The following DNAH3 variants were observed in gnomAD, a reference collection of about 807,000 sequenced individuals.
DNAH3 encodes axonemal beta dynein heavy chain 3.
In DNAH3, 332 loss-of-function variants were observed where a neutral mutation model predicts 432.5. The observed-to-expected ratio is 0.77, with a 90% CI of 0.70 to 0.84. The LOEUF (loss-of-function observed/expected upper bound fraction) is 0.84, where lower values mean the gene tolerates loss of function less well. DNAH3 is among the 40% of genes least tolerant of loss of function. DNAH3 has a pLI of 0.00. For missense variants in DNAH3, 4,861 were observed against 5,114.0 expected, an observed-to-expected ratio of 0.95 and a Z score of 1.51; for synonymous variants, 1,956 against 1,900.2, an observed-to-expected ratio of 1.03 and a Z score of -0.76.
chr16:21,129,792 A>AG (rs1567842961), intron 7 of DNAH3, among the ~76,000 whole-genome samples: 1 of 144,990 alleles, frequency 6.9e-6, no homozygotes, highest in Admixed American at 7.0e-5. Context: ...ATTAGTGGAC[A>AG]GGGGTAGCGG....
At chr16:20,975,492 C>A in intron 50 of DNAH3, 77 bp from the exon 51 acceptor site, 1 of 1,409,444 alleles carries the variant, frequency 7.1e-7, no homozygotes. Flanking sequence ...AAATGATTCT[C>A]CAACCTATGA....
At chr16:21,075,550 A>G (rs776443082) in exon 21 of DNAH3, 16 of 1,613,216 alleles carry the variant, frequency 9.9e-6, no homozygotes, top group Middle Eastern at 1.6e-4. Context: ...AGCTGCACCA[A>G]TGGGCTCCAA....
At chr16:21,020,348 G>GTGTGTGTATATATATATATCTA in intron 40 of DNAH3, among the ~76,000 whole-genome samples, 1 of 69,178 alleles carries the variant, frequency 1.4e-5, no homozygotes, top group African/African-American at 6.4e-5. Context: ...TATAGTGTGT[G>GTGTGTGTATATATATATATCTA]TATATATATA....
chr16:20,990,522 TTG>T (rs2086502487), intron 44 of DNAH3, among the ~76,000 whole-genome samples: 1 of 152,184 alleles, frequency 6.6e-6, no homozygotes, highest in Admixed American at 6.5e-5. Flanking sequence ...AAAAGAAACC[TTG>T]TACCCATTAG....
intron 41 of DNAH3, among the ~76,000 whole-genome samples, chr16:21,016,732 A>G (rs575263561): frequency 4.6e-5 from 7 of 152,356 alleles, no homozygotes; most frequent in African/African-American, 1.7e-4. Flanking sequence ...TTTATTCGCA[A>G]TAGCCAAAAG....
chr16:21,100,823 G>A (rs114130369), intron 16 of DNAH3, among the ~76,000 whole-genome samples: 2,183 of 152,242 alleles, frequency 0.014, 50 homozygotes, highest in African/African-American at 0.049. Flanking sequence ...TCTTTTTGAA[G>A]CTCCAAATAC....
chr16:20,958,916 C>A (rs1470325660), intron 54 of DNAH3, among the ~76,000 whole-genome samples: 2 of 152,002 alleles, frequency 1.3e-5, no homozygotes, highest in Non-Finnish European at 2.9e-5. Context: ...TACAGGTGTG[C>A]GCCACTATGC....
rs775917198 is a variant in DNAH3 at position 21,019,606 on chromosome 16, A to G, written c.6022+18T>C. On this transcript the variant is annotated intron_variant, in intron 41 of 61. Transcript: ENST00000261383. Reference sequence around the variant, plus strand: ...TCCAACTATTATACTAGAACATAACAAACAGGTTCTAAATTACCTCTTTCT... The same window carrying G: ...TCCAACTATTATACTAGAACATAACGAACAGGTTCTAAATTACCTCTTTCT... The G allele has an allele frequency of 1.2e-6, 2 of 1,613,772 alleles. No individual in the cohort carries two copies. The highest frequency in any genetic ancestry group is 1.3e-5 in the African/African-American group (1 of 74,990).
intron 7 of DNAH3, among the ~76,000 whole-genome samples, chr16:21,128,255 A>G (rs536865427): frequency 1.3e-5 from 2 of 152,218 alleles, no homozygotes; most frequent in South Asian, 4.2e-4. Flanking sequence ...CTTGAAGGTA[A>G]CTTTGAGGAC....
intron 44 of DNAH3, among the ~76,000 whole-genome samples, chr16:20,989,625 T>C (rs1217989843): frequency 6.6e-6 from 1 of 152,226 alleles, no homozygotes; most frequent in Non-Finnish European, 1.5e-5. Flanking sequence ...TGCCTGCCAG[T>C]CCCGGGCGGT....
chr16:21,024,306 T>C (rs569949386), intron 39 of DNAH3, among the ~76,000 whole-genome samples: 9 of 152,166 alleles, frequency 5.9e-5, no homozygotes, highest in African/African-American at 2.2e-4. Flanking sequence ...CATTTCAGCT[T>C]CCACAGAGAA....
chr16:21,038,235 T>G (rs1288904105), intron 33 of DNAH3, among the ~76,000 whole-genome samples: 2 of 152,206 alleles, frequency 1.3e-5, no homozygotes, highest in Non-Finnish European at 2.9e-5. Context: ...GTGCAGTGGC[T>G]CATGCCTGTG....
intron 52 of DNAH3, among the ~76,000 whole-genome samples, chr16:20,966,932 GCTGA>G (rs1454932782): frequency 6.6e-6 from 1 of 152,170 alleles, no homozygotes; most frequent in African/African-American, 2.4e-5. Flanking sequence ...CAGCCATCAT[GCTGA>G]CTAACAAGTA....
Position 21,077,337 on chromosome 16 carries a change from A to G in DNAH3, c.2970-1776T>C, listed in dbSNP as rs575103669. 2.6e-5 allele frequency among the ~76,000 whole-genome samples: 4 copies of G among 151,840 alleles called. No individual in the cohort carries two copies. In the South Asian group the frequency reaches 6.3e-4, roughly 24 times the overall value. ...TCCACCACACCTGGCTAATTTTTGT[A>G]TTTTTAGTAGAGACGGGGTTTCACC... On this transcript the variant is annotated intron_variant, in intron 20 of 61. Coordinates refer to ENST00000261383, the Ensembl canonical transcript of DNAH3.
Position 21,031,745 on chromosome 16 carries a change from TTGCTGGGCACAGTGGCTCACGCCTGTAA to T in DNAH3, c.5198-487_5198-460del, listed in dbSNP as rs1345734975. On this transcript the variant is annotated intron_variant, in intron 36 of 61. Transcript: ENST00000261383. ...ATGTGCCAGTCAGATCCAGGACTAC[TTGCTGGGCACAGTGGCTCACGCCTGTAA>T]TCCCAGCACTTTGGGAGGCCAAGGC... Among the ~76,000 whole-genome samples the T allele has an allele frequency of 2.0e-5, 3 of 152,312 alleles. No homozygotes were observed. The East Asian group carries it at 5.8e-4, about 29-fold the overall frequency.
intron 32 of DNAH3, 122 bp from the exon 33 acceptor site, chr16:21,040,065 CAAG>C: frequency 1.2e-6 from 1 of 805,426 alleles, no homozygotes; most frequent in Non-Finnish European, 2.1e-6. Context: ...ACAATAAAGG[CAAG>C]AAGGACTGGG....
chr16:21,138,429 C>T (rs2092673457), intron 5 of DNAH3, among the ~76,000 whole-genome samples: 1 of 152,080 alleles, frequency 6.6e-6, no homozygotes, highest in Non-Finnish European at 1.5e-5. Flanking sequence ...GATTCCCAGG[C>T]CCCTCCTCAG....
chr16:21,047,647 T>G (rs2089764844), intron 31 of DNAH3, among the ~76,000 whole-genome samples: 2 of 151,938 alleles, frequency 1.3e-5, no homozygotes, highest in Non-Finnish European at 2.9e-5. Flanking sequence ...CAGAGTAATT[T>G]GATCGTCTGA....
exon 53 of DNAH3, chr16:20,964,441 T>C (rs1472136013): frequency 1.9e-6 from 3 of 1,614,184 alleles, no homozygotes; most frequent in South Asian, 2.2e-5. Flanking sequence ...TCCTTGCTGT[T>C]TGAATGTTGC....
Sources: gnomAD v4.1 joint callset for allele counts (sites outside exome capture counted in the v4.1 genomes callset) on GRCh38, gnomAD v4.1.1 for gene constraint, MANE v1.5 for transcripts, NCBI Gene and HGNC (gene_info 2026-07-23, HGNC 2026-07-21) for gene names.